NAV3: variants seen among roughly 807,000 people sequenced by gnomAD.
NAV3 encodes neuron navigator 3.
A neutral mutation model predicts 244.7 loss-of-function variants in NAV3; 87 were observed. The ratio of observed to expected loss-of-function variants is 0.36; its 90% CI spans 0.30 to 0.42. NAV3 has a LOEUF of 0.42. NAV3 is among the 20% of genes least tolerant of loss of function. NAV3 has a pLI of 1.00. For missense variants in NAV3, 2,663 were observed against 2,893.3 expected (o/e 0.92, Z 1.83); for synonymous variants, 1,126 against 1,042.2 (o/e 1.08, Z -1.55).
chr12:77,654,939 C>A (rs1198527469), intron 2 of NAV3, among the ~76,000 whole-genome samples: 1 of 151,974 alleles, frequency 6.6e-6, no homozygotes, highest in Non-Finnish European at 1.5e-5. Flanking sequence ...AAAGGACATC[C>A]ACACCAAAAA....
At chr12:78,201,070 T>G (rs1432620209) in intron 38 of NAV3, among the ~76,000 whole-genome samples, 1 of 50,946 alleles carries the variant, frequency 2.0e-5, no homozygotes, top group East Asian at 1.1e-3. Flanking sequence ...TTTCTTCTCC[T>G]TCTTTTTTTT....
At chr12:78,173,403 A>G (rs187595573) in intron 24 of NAV3, among the ~76,000 whole-genome samples, 3 of 151,774 alleles carry the variant, frequency 2.0e-5, no homozygotes, top group African/African-American at 7.2e-5. Context: ...TATAATAAAA[A>G]TTCTGAAATA....
chr12:78,073,772 A>G (rs990602597), intron 12 of NAV3, among the ~76,000 whole-genome samples: 2 of 152,116 alleles, frequency 1.3e-5, no homozygotes, highest in Non-Finnish European at 1.5e-5. Context: ...GAGGCATCAC[A>G]CTACCTGACT....
chr12:77,995,231 G>A (rs1872161966), intron 6 of NAV3, among the ~76,000 whole-genome samples: 1 of 152,144 alleles, frequency 6.6e-6, no homozygotes, highest in Non-Finnish European at 1.5e-5. Flanking sequence ...AGATGGGCAT[G>A]CATTAATTAT....
rs563431723 is a variant in NAV3, at chr12:78,138,693, T to A, written c.4630+1328T>A. On this transcript the variant is annotated intron_variant, in intron 19 of 39. Coordinates refer to ENST00000397909, the MANE Select transcript of NAV3 (RefSeq NM_001024383.2). The stretch of plus-strand genomic sequence containing the variant: ...GCTTCTTATAATACTTTTAAAATAA[T>A]TTGCTAAGCATACAGATGGCTTTCT... Among the ~76,000 whole-genome samples the A allele has an allele frequency of 9.1e-4, 139 of 152,258 alleles. 1 individual carries two copies. Among genetic ancestry groups the A allele is most frequent in the African/African-American group, 3.2e-3 (135 of 41,566 alleles).
intron 13 of NAV3, among the ~76,000 whole-genome samples, chr12:78,117,487 T>C (rs1955471006): frequency 6.8e-6 from 1 of 147,000 alleles, no homozygotes; most frequent in Non-Finnish European, 1.5e-5. Flanking sequence ...TATTAATATA[T>C]AATGTATAAT....
At chr12:78,176,522 G>A (rs1014800798) in intron 26 of NAV3, 63 bp downstream of exon 26, 4 of 1,540,080 alleles carry the variant, frequency 2.6e-6, no homozygotes, top group Non-Finnish European at 3.6e-6. Context: ...TGGCATGAAT[G>A]CTATCCATTT....
chr12:77,589,365 A>AG lies in NAV3; in HGVS notation c.72+17100dup, dbSNP rs1869792981. ...CATTTTCAAGTATCTTTATAGTAGC[A>AG]GCCCCCCTCTGTGGTACCAATTTAC... On this transcript the variant is annotated intron_variant, in intron 2 of 8. Coordinates refer to the NAV3 transcript ENST00000550042. 1.2e-4 allele frequency among the ~76,000 whole-genome samples: 8 copies of AG among 64,478 alleles called. No homozygotes were observed. The South Asian group carries it at 3.8e-3, about 31-fold the overall frequency. 42.3% of individuals were successfully genotyped at this position (64,478 alleles called of 152,430 possible).
At chr12:78,173,612 T>C (rs955629466) in intron 24 of NAV3, among the ~76,000 whole-genome samples, 1 of 151,684 alleles carries the variant, frequency 6.6e-6, no homozygotes, top group African/African-American at 2.4e-5. Flanking sequence ...TCCTTTATTG[T>C]TGAATTAAAA....
intron 2 of NAV3, among the ~76,000 whole-genome samples, chr12:77,824,811 T>C (rs935018336): frequency 2.0e-5 from 3 of 152,056 alleles, no homozygotes; most frequent in African/African-American, 7.2e-5. Flanking sequence ...CAAAATGGCT[T>C]GAACCCAGGA....
intron 2 of NAV3, among the ~76,000 whole-genome samples, chr12:77,816,986 G>T (rs1872551698): frequency 1.3e-5 from 2 of 152,170 alleles, no homozygotes; most frequent in Admixed American, 1.3e-4. Flanking sequence ...TTGGGCAAAG[G>T]TGTGGCTGCA....
At chr12:77,996,042 T>G (rs568502401) in intron 6 of NAV3, among the ~76,000 whole-genome samples, 1 of 152,288 alleles carries the variant, frequency 6.6e-6, no homozygotes, top group African/African-American at 2.4e-5. Context: ...TACATTTGTT[T>G]TAATTTGTTC....
At chr12:78,109,019 T>A (rs146991844) in intron 12 of NAV3, among the ~76,000 whole-genome samples, 257 of 151,954 alleles carry the variant, frequency 1.7e-3, no homozygotes, top group African/African-American at 5.7e-3. Flanking sequence ...AAACTAAAAT[T>A]TGGTTATTCA....
At chr12:77,708,600 G>T (rs1320230109) in intron 2 of NAV3, among the ~76,000 whole-genome samples, 1 of 152,120 alleles carries the variant, frequency 6.6e-6, no homozygotes, top group Admixed American at 6.5e-5. Flanking sequence ...TGTGAAGAAG[G>T]TCATTGGTAG....
chr12:78,070,248 C>A (rs1037543007), intron 12 of NAV3, among the ~76,000 whole-genome samples: 1 of 151,944 alleles, frequency 6.6e-6, no homozygotes, highest in Non-Finnish European at 1.5e-5. Flanking sequence ...TTCACATGTG[C>A]GAATTAATTT....
At chr12:77,722,897 T>C (rs1268053522) in intron 2 of NAV3, among the ~76,000 whole-genome samples, 1 of 152,070 alleles carries the variant, frequency 6.6e-6, no homozygotes, top group African/African-American at 2.4e-5. Context: ...TTTTTCTTTT[T>C]CTTCATGCAT....
chr12:78,126,637 CAATT>C (rs147808209), intron 16 of NAV3, among the ~76,000 whole-genome samples: 4,255 of 152,170 alleles, frequency 0.028, 61 homozygotes, highest in Middle Eastern at 0.044. Context: ...ATACTAGAAT[CAATT>C]AAGTTTTAAG....
intron 1 of NAV3, among the ~76,000 whole-genome samples, chr12:77,870,846 C>T (rs1371375790): frequency 1.3e-5 from 2 of 152,174 alleles, no homozygotes; most frequent in East Asian, 1.9e-4. Flanking sequence ...AGTCATCATC[C>T]ACAACGTAGA....
At position 77,765,560 on chromosome 12, in the gene NAV3, A is replaced by G. The variant is rs149079708; in HGVS notation, c.73-174759A>G. Among the ~76,000 whole-genome samples the G allele has an allele frequency of 2.3e-4, 35 of 152,304 alleles. No homozygotes were observed. The East Asian group carries it at 6.4e-3, about 28-fold the overall frequency. ...TTTTAAGCTATTTATCAGGAAGCCA[A>G]AGATGAAAGGGGCAATCCAAATGAA... On this transcript the variant is annotated intron_variant, in intron 2 of 8. Coordinates refer to the NAV3 transcript ENST00000550042.
Sources: allele counts gnomAD v4.1 joint callset (sites outside exome capture counted in the v4.1 genomes callset), GRCh38; gene constraint gnomAD v4.1.1; transcripts MANE v1.5; gene names NCBI Gene and HGNC (gene_info 2026-07-23, HGNC 2026-07-21).